The following MYO3A variants were observed in gnomAD, a reference collection of about 807,000 sequenced individuals.
MYO3A encodes the protein myosin IIIA.
A neutral mutation model predicts 192.7 loss-of-function variants in MYO3A; 180 were observed. That is an observed-to-expected ratio of 0.93 (90% CI 0.83 to 1.06). MYO3A has a LOEUF of 1.06. MYO3A is among the 50% of genes least tolerant of loss of function. The pLI is 0.00. For synonymous variants in MYO3A, 628 were observed against 645.3 expected (o/e 0.97, Z 0.41); for missense variants, 1,896 against 1,905.0 (o/e 1.00, Z 0.09).
chr10:25,981,554 T>C (rs934017982), intron 4 of MYO3A, among the ~76,000 whole-genome samples: 2 of 152,174 alleles, frequency 1.3e-5, no homozygotes, highest in Admixed American at 6.5e-5. Flanking sequence ...AAAGGACTTA[T>C]ATCCAGAATA....
At chr10:25,962,584 G>A (rs543751748) in intron 4 of MYO3A, among the ~76,000 whole-genome samples, 2 of 152,142 alleles carry the variant, frequency 1.3e-5, no homozygotes, top group Admixed American at 6.5e-5. Context: ...AATACCTTAT[G>A]TATATTCCTT....
intron 10 of MYO3A, among the ~76,000 whole-genome samples, chr10:26,053,294 C>T (rs938985226): frequency 7.9e-5 from 12 of 152,032 alleles, no homozygotes; most frequent in East Asian, 1.9e-4. Context: ...AATAAAAATA[C>T]GTTTTCTTTG....
intron 31 of MYO3A, among the ~76,000 whole-genome samples, chr10:26,185,959 C>T (rs1842848162): frequency 6.6e-6 from 1 of 152,304 alleles, no homozygotes; most frequent in East Asian, 1.9e-4. Flanking sequence ...TTATTCTTTT[C>T]AATGGCTGCA....
intron 31 of MYO3A, among the ~76,000 whole-genome samples, chr10:26,182,443 C>T (rs1842657197): frequency 6.6e-6 from 1 of 151,984 alleles, no homozygotes; most frequent in African/African-American, 2.4e-5. Context: ...TTGATAGGAA[C>T]CAAAAACCCT....
chr10:25,944,779 T>C (rs1311818118), intron 2 of MYO3A, among the ~76,000 whole-genome samples: 1 of 152,070 alleles, frequency 6.6e-6, no homozygotes, highest in East Asian at 1.9e-4. Flanking sequence ...GCTTTAGTTA[T>C]TTATGTCCTC....
At chr10:26,126,526 C>T (rs548320567) in intron 19 of MYO3A, among the ~76,000 whole-genome samples, 1 of 152,116 alleles carries the variant, frequency 6.6e-6, no homozygotes, top group South Asian at 2.1e-4. Flanking sequence ...GCTTGTGTAC[C>T]TCCTGGGTAC....
At chr10:26,185,288 T>C (rs1842807062) in intron 31 of MYO3A, among the ~76,000 whole-genome samples, 1 of 151,938 alleles carries the variant, frequency 6.6e-6, no homozygotes, top group Non-Finnish European at 1.5e-5. Context: ...TGCATATTTA[T>C]GATTTTACAT....
intron 20 of MYO3A, among the ~76,000 whole-genome samples, chr10:26,143,053 G>A (rs562752257): frequency 5.3e-5 from 8 of 152,112 alleles, no homozygotes; most frequent in Non-Finnish European, 1.0e-4. Context: ...AGGTCAGGCC[G>A]GGCGCGGTGG....
At position 25,962,600 on chromosome 10, in the gene MYO3A, C is replaced by T. The variant is rs1838004096; in HGVS notation, c.303+7592C>T. Among the ~76,000 whole-genome samples, 2 of 152,088 alleles carry T rather than the reference C, an allele frequency of 1.3e-5. 1 individual carries two copies. The highest frequency in any genetic ancestry group is 4.1e-4 in the South Asian group (2 of 4,832). ...ATACCTTATGTATATTCCTTTCTGC[C>T]TGTTGCTATCACATCTCTTGACTGA... On this transcript the variant is annotated intron_variant, in intron 4 of 34. Transcript: ENST00000642920.
chr10:26,095,815 A>C (rs1453479102), intron 15 of MYO3A, among the ~76,000 whole-genome samples: 1 of 152,256 alleles, frequency 6.6e-6, no homozygotes, highest in African/African-American at 2.4e-5. Flanking sequence ...ACTGAGTCTC[A>C]GAAAGACAAT....
At chr10:26,134,684 T>G (rs1839748153) in intron 20 of MYO3A, among the ~76,000 whole-genome samples, 1 of 152,166 alleles carries the variant, frequency 6.6e-6, no homozygotes, top group African/African-American at 2.4e-5. Flanking sequence ...AAGTTTTTTT[T>G]TCACTGTAAT....
chr10:26,029,102 T>C (rs1295816572), intron 10 of MYO3A, among the ~76,000 whole-genome samples: 1 of 152,200 alleles, frequency 6.6e-6, no homozygotes, highest in Non-Finnish European at 1.5e-5. Flanking sequence ...GACCCATAAA[T>C]AATTGTCTCT....
At chr10:26,118,414 A>C (rs1838650716) in intron 17 of MYO3A, among the ~76,000 whole-genome samples, 1 of 152,010 alleles carries the variant, frequency 6.6e-6, no homozygotes, top group African/African-American at 2.4e-5. Flanking sequence ...CCCTACATCC[A>C]TTTACTTCTT....
chr10:26,109,150 A>T (rs1838007527), intron 17 of MYO3A, among the ~76,000 whole-genome samples: 1 of 152,232 alleles, frequency 6.6e-6, no homozygotes, highest in African/African-American at 2.4e-5. Flanking sequence ...AAGAATGGAA[A>T]ATGTAGAATA....
intron 26 of MYO3A, among the ~76,000 whole-genome samples, chr10:26,161,487 G>C (rs1393779096): frequency 6.6e-6 from 1 of 152,078 alleles, no homozygotes; most frequent in African/African-American, 2.4e-5. Context: ...AATACAACTA[G>C]AACTTACTGA....
chr10:26,174,436 A>T lies in MYO3A; in HGVS notation c.4172A>T (p.His1391Leu). ...CCAACAGAAGTAGCAAGAAACACTC[A>T]TAATTTGTATTCCTATCCCACAAAA... ...TTPTEVARNT[H>L]NLYSYPTKHE... Residue 1391 changes from histidine to leucine, a missense_variant, in exon 30 of 35, where the codon CAT (histidine) becomes CTT (leucine). His to Leu is a moderately conservative substitution (Grantham distance 99, BLOSUM62 -3). Transcript: ENST00000642920. The T allele has an allele frequency of 6.2e-7, 1 of 1,614,188 alleles. No individual in the cohort carries two copies. The highest frequency in any genetic ancestry group is 8.5e-7 in the Non-Finnish European group (1 of 1,180,036).
chr10:26,141,274 A>C (rs1209430988), intron 20 of MYO3A, among the ~76,000 whole-genome samples: 1 of 152,230 alleles, frequency 6.6e-6, no homozygotes, highest in Non-Finnish European at 1.5e-5. Flanking sequence ...CTTTCTGAAG[A>C]AATAGGAGCT....
intron 17 of MYO3A, among the ~76,000 whole-genome samples, chr10:26,104,011 A>G (rs1837634217): frequency 6.6e-6 from 1 of 151,402 alleles, no homozygotes; most frequent in African/African-American, 2.4e-5. Context: ...GTCTGTTCAG[A>G]TCCTTTGCAT....
At chr10:26,169,226 A>T (rs1841921196) in intron 28 of MYO3A, among the ~76,000 whole-genome samples, 1 of 152,184 alleles carries the variant, frequency 6.6e-6, no homozygotes. Flanking sequence ...CAAAGGTTAC[A>T]CTTGCCATAA....
Sources: gnomAD v4.1 joint callset for allele counts (sites outside exome capture counted in the v4.1 genomes callset) on GRCh38, gnomAD v4.1.1 for gene constraint, MANE v1.5 for transcripts, NCBI Gene and HGNC (gene_info 2026-07-23, HGNC 2026-07-21) for gene names.